SNTB1: variants seen among roughly 807,000 people sequenced by gnomAD.
SNTB1 encodes the protein syntrophin beta 1.
Under a neutral mutation model 48.9 loss-of-function variants are expected in SNTB1, and 36 were observed. The ratio of observed to expected loss-of-function variants is 0.74; its 90% confidence interval spans 0.56 to 0.97. The LOEUF (loss-of-function observed/expected upper bound fraction) is 0.97. Among genes scored for constraint, SNTB1 ranks in the 50% least tolerant of loss-of-function variants. SNTB1 has a pLI of 0.00. For synonymous variants in SNTB1, 299 were observed against 294.6 expected, an observed-to-expected ratio of 1.01 and a Z score of -0.15; for missense variants, 786 against 703.4, an observed-to-expected ratio of 1.12 and a Z score of -1.33.
At chr8:120,609,348 A>G (rs1260910914) in intron 3 of SNTB1, among the ~76,000 whole-genome samples, 5 of 152,212 alleles carry the variant, frequency 3.3e-5, no homozygotes, top group Non-Finnish European at 7.3e-5. Context: ...TGAGTAGACC[A>G]GGCGTAGGTC....
chr8:120,720,600 G>A (rs892431903), intron 1 of SNTB1, among the ~76,000 whole-genome samples: 3 of 152,156 alleles, frequency 2.0e-5, no homozygotes, highest in South Asian at 2.1e-4. Context: ...GACTTATGGC[G>A]AGAAGTATTA....
chr8:120,561,149 G>A (rs1815648138), intron 4 of SNTB1, among the ~76,000 whole-genome samples: 1 of 151,788 alleles, frequency 6.6e-6, no homozygotes. Flanking sequence ...CCAACATGGT[G>A]AAACCCCATC....
At chr8:120,616,190 A>G (rs1174220699) in intron 3 of SNTB1, among the ~76,000 whole-genome samples, 1 of 152,218 alleles carries the variant, frequency 6.6e-6, no homozygotes, top group Non-Finnish European at 1.5e-5. Flanking sequence ...GGGTAGTATC[A>G]TCAACTTTCC....
chr8:120,649,651 C>T (rs1288646267), intron 2 of SNTB1, among the ~76,000 whole-genome samples: 1 of 150,754 alleles, frequency 6.6e-6, no homozygotes, highest in Non-Finnish European at 1.5e-5. Context: ...AGAGGTGGAG[C>T]CTACAGAGGC....
At chr8:120,790,516 T>C (rs929767746) in intron 1 of SNTB1, among the ~76,000 whole-genome samples, 2 of 152,014 alleles carry the variant, frequency 1.3e-5, no homozygotes, top group African/African-American at 4.8e-5. Context: ...TTACTAGATC[T>C]GATAAATTAA....
intron 3 of SNTB1, among the ~76,000 whole-genome samples, chr8:120,578,200 A>AT (rs369383766): frequency 0.063 from 9,252 of 146,804 alleles, 728 homozygotes; most frequent in African/African-American, 0.19. Context: ...CGCCCGGCTA[A>AT]TTTTTTTTTT....
intron 1 of SNTB1, among the ~76,000 whole-genome samples, chr8:120,785,110 C>T (rs1412236289): frequency 6.6e-6 from 1 of 152,196 alleles, no homozygotes; most frequent in Non-Finnish European, 1.5e-5. Context: ...TTGCAGAAGT[C>T]TGTCAGCTAA....
intron 2 of SNTB1, among the ~76,000 whole-genome samples, chr8:120,649,763 A>G (rs1587062763): frequency 6.6e-6 from 1 of 152,058 alleles, no homozygotes; most frequent in African/African-American, 2.4e-5. Context: ...CCCCTCCCCC[A>G]GCCTAGCTGC....
At chr8:120,792,645 T>C (rs1461302763) in intron 1 of SNTB1, among the ~76,000 whole-genome samples, 3 of 151,972 alleles carry the variant, frequency 2.0e-5, no homozygotes, top group Admixed American at 2.0e-4. Flanking sequence ...ATTGAATAAT[T>C]TAGCTAAAGT....
intron 3 of SNTB1, among the ~76,000 whole-genome samples, chr8:120,608,707 C>T (rs968817014): frequency 3.3e-5 from 5 of 151,996 alleles, no homozygotes; most frequent in South Asian, 2.1e-4. Context: ...AGGATAGAGA[C>T]GACACTAGAA....
chr8:120,699,844 AATTCTCTCAGGACTT>A (rs1818275459), intron 1 of SNTB1, among the ~76,000 whole-genome samples: 1 of 152,200 alleles, frequency 6.6e-6, no homozygotes, highest in Non-Finnish European at 1.5e-5. Context: ...ACAACAGAGG[AATTCTCTCAGGACTT>A]ATTCTCTCAG....
intron 2 of SNTB1, chr8:120,635,831 A>C (rs1410848837): frequency 3.1e-6 from 1 of 319,692 alleles, no homozygotes; most frequent in Non-Finnish European, 6.2e-6. Context: ...GTACTTCCTT[A>C]TTCTTTTCAT....
chr8:120,754,508 A>G (rs1357201537), intron 1 of SNTB1, among the ~76,000 whole-genome samples: 1 of 152,098 alleles, frequency 6.6e-6, no homozygotes, highest in Non-Finnish European at 1.5e-5. Flanking sequence ...AAGAAGAAAA[A>G]GAAATCTAGT....
intron 1 of SNTB1, among the ~76,000 whole-genome samples, chr8:120,738,182 A>G (rs1337327667): frequency 6.6e-6 from 1 of 152,178 alleles, no homozygotes; most frequent in Non-Finnish European, 1.5e-5. Flanking sequence ...ATGAACCATA[A>G]GTGGGCCCTC....
chr8:120,583,307 C>G (rs1384750802), intron 3 of SNTB1, among the ~76,000 whole-genome samples: 1 of 151,998 alleles, frequency 6.6e-6, no homozygotes, highest in Non-Finnish European at 1.5e-5. Context: ...GAGGTCAACA[C>G]CAGCCTGGCC....
intron 2 of SNTB1, among the ~76,000 whole-genome samples, chr8:120,692,709 A>G (rs959837731): frequency 1.3e-5 from 2 of 152,100 alleles, no homozygotes; most frequent in Non-Finnish European, 2.9e-5. Context: ...GCATAAAGAG[A>G]TGCTTAAAGT....
intron 2 of SNTB1, among the ~76,000 whole-genome samples, chr8:120,658,834 G>T (rs1055930778): frequency 2.6e-5 from 4 of 151,994 alleles, no homozygotes. Flanking sequence ...TCTTCTTTTC[G>T]CAAAATATTT....
intron 3 of SNTB1, among the ~76,000 whole-genome samples, chr8:120,596,590 T>C (rs1485376137): frequency 6.6e-6 from 1 of 152,210 alleles, no homozygotes; most frequent in Non-Finnish European, 1.5e-5. Flanking sequence ...GGTTGTTGGC[T>C]GAATTCAGTT....
intron 2 of SNTB1, among the ~76,000 whole-genome samples, chr8:120,674,475 A>G (rs923748416): frequency 3.3e-5 from 5 of 152,250 alleles, no homozygotes; most frequent in Non-Finnish European, 7.3e-5. Flanking sequence ...AAACCACTAC[A>G]TGGTAACAGA....
Sources: gnomAD v4.1 joint callset for allele counts (sites outside exome capture counted in the v4.1 genomes callset) on GRCh38, gnomAD v4.1.1 for gene constraint, MANE v1.5 for transcripts, NCBI Gene and HGNC (gene_info 2026-07-23, HGNC 2026-07-21) for gene names.